Variants in OPHN1 observed in about 807,000 individuals in gnomAD.
The protein encoded by OPHN1 is oligophrenin-1.
A neutral mutation model predicts 60.7 loss-of-function variants in OPHN1; 11 were observed. The ratio of observed to expected loss-of-function variants is 0.18; its 90% CI spans 0.11 to 0.30. The LOEUF is 0.30. OPHN1 is among the 10% of genes least tolerant of loss of function. The probability of loss-of-function intolerance (pLI) is 1.00; values close to 1 mark genes in which losing one functional copy is unlikely to be tolerated. For missense variants in OPHN1, 449 were observed against 611.0 expected (o/e 0.73, Z 2.80); for synonymous variants, 226 against 222.6 (o/e 1.02, Z -0.14).
intron 2 of OPHN1, among the ~76,000 whole-genome samples, chrX:68,300,434 T>A (rs2078114536): frequency 8.9e-6 from 1 of 112,662 alleles, no homozygotes; most frequent in Non-Finnish European, 1.9e-5. Context: ...AAGTCTTAAC[T>A]CTTTGAACGA....
At position 68,125,954 on chromosome X, in the gene OPHN1, T is replaced by TATATATATATAC. The variant is rs1262640434; in HGVS notation, c.1277-6623_1277-6622insGTATATATATAT. ...CAATATATATATATATATATATATA[T>TATATATATATAC]ATACATACACACACACACACACACA... is the stretch of plus-strand genomic sequence containing the variant. On this transcript the variant is annotated intron_variant, in intron 15 of 24. Coordinates refer to ENST00000355520, the MANE Select transcript of OPHN1 (RefSeq NM_002547.3). Among the ~76,000 whole-genome samples the TATATATATATAC allele has an allele frequency of 8.8e-4, 49 of 55,767 alleles. 5 individuals are homozygous for TATATATATATAC. The highest frequency in any genetic ancestry group is 2.9e-3 in the South Asian group (2 of 679). The allele number at this position is 55,767 out of a possible 115,157, so 48.4% of individuals were successfully genotyped here.
chrX:68,072,784 CT>C (rs1307660325), intron 20 of OPHN1, among the ~76,000 whole-genome samples: 5 of 111,996 alleles, frequency 4.5e-5, no homozygotes, highest in African/African-American at 1.6e-4. Flanking sequence ...AGCACAGTAC[CT>C]GGCACATAGT....
At chrX:68,354,202 T>C (rs1460565515) in intron 2 of OPHN1, among the ~76,000 whole-genome samples, 1 of 110,217 alleles carries the variant, frequency 9.1e-6, no homozygotes, top group Non-Finnish European at 1.9e-5. Flanking sequence ...CCCTGCACTT[T>C]AGGAGGCCGA....
chrX:68,184,474 A>G (rs1270774917), intron 15 of OPHN1, among the ~76,000 whole-genome samples: 1 of 106,591 alleles, frequency 9.4e-6, no homozygotes, highest in Non-Finnish European at 1.9e-5. Context: ...GTGAGCTGAG[A>G]TCACGTCACT....
chrX:68,360,602 T>G (rs1234877118), intron 2 of OPHN1, among the ~76,000 whole-genome samples: 2 of 110,217 alleles, frequency 1.8e-5, no homozygotes, highest in African/African-American at 6.6e-5. Context: ...CCAGCATGGG[T>G]AACATAGTGA....
At chrX:68,211,319 C>T (rs1356740376) in intron 8 of OPHN1, among the ~76,000 whole-genome samples, 1 of 112,427 alleles carries the variant, frequency 8.9e-6, no homozygotes, top group Non-Finnish European at 1.9e-5. Context: ...AATGCCTTCT[C>T]TGACTCTACC....
intron 2 of OPHN1, among the ~76,000 whole-genome samples, chrX:68,407,780 GTAATA>G (rs1243681448): frequency 8.9e-6 from 1 of 111,946 alleles, no homozygotes; most frequent in Non-Finnish European, 1.9e-5. Flanking sequence ...AAATACCTTT[GTAATA>G]TAATGGTCAA....
rs1185535809 is a variant in OPHN1, at chrX:68,063,886, G to C, written c.2126C>G (p.Pro709Arg). ...TKTPSFHIKRPAPRPLAHHKE... is the reference protein window; with the variant it reads ...TKTPSFHIKRRAPRPLAHHKE... ...GTGGTGGGCCAGGGGCCGGGGAGCT[G>C]GTCTCTTTATGTGGAAAGAGGGGGT... is the stretch of plus-strand genomic sequence containing the variant. Residue 709 changes from proline (P) to arginine (R), a missense_variant, in exon 21 of 25, where the codon CCA (proline) becomes CGA (arginine). Physicochemically the swap from Pro to Arg is moderately radical, Grantham distance 103. Coordinates refer to ENST00000355520, the MANE Select transcript of OPHN1 (RefSeq NM_002547.3). 8.5e-7 allele frequency: 1 copy of C among 1,179,089 alleles called. No individual in the cohort carries two copies. The highest frequency in any genetic ancestry group is 2.4e-5 in the Admixed American group (1 of 42,357).
chrX:68,294,516 C>T (rs1458171883), intron 3 of OPHN1, among the ~76,000 whole-genome samples: 1 of 100,195 alleles, frequency 1.0e-5, no homozygotes, highest in Non-Finnish European at 2.0e-5. Context: ...AGCATATTCT[C>T]TTAAGCCTAT....
At chrX:68,118,736 G>T (rs1338960343) in intron 16 of OPHN1, among the ~76,000 whole-genome samples, 3 of 111,674 alleles carry the variant, frequency 2.7e-5, no homozygotes, top group African/African-American at 9.8e-5. Context: ...TTTCCATACT[G>T]CTGACAGTTC....
chrX:68,229,331 T>C (rs185028735), intron 6 of OPHN1, among the ~76,000 whole-genome samples: 1 of 111,898 alleles, frequency 8.9e-6, no homozygotes, highest in African/African-American at 3.2e-5. Flanking sequence ...AAAATGGCCA[T>C]ACTGCTCAAG....
chrX:68,419,732 G>T (rs1371353722), intron 2 of OPHN1, among the ~76,000 whole-genome samples: 1 of 109,796 alleles, frequency 9.1e-6, no homozygotes, highest in Non-Finnish European at 1.9e-5. Context: ...GTACAGGCAG[G>T]ATTTCACCAT....
At chrX:68,216,997 T>C (rs761616049) in intron 6 of OPHN1, among the ~76,000 whole-genome samples, 1 of 111,995 alleles carries the variant, frequency 8.9e-6, no homozygotes, top group South Asian at 3.8e-4. Context: ...GGGTGACTTC[T>C]GCATTTCCAT....
At chrX:68,052,102 C>T (rs901272107) in intron 23 of OPHN1, among the ~76,000 whole-genome samples, 3 of 111,295 alleles carry the variant, frequency 2.7e-5, no homozygotes, top group Non-Finnish European at 5.7e-5. Flanking sequence ...CCAGCCTGGC[C>T]AACATGGCAA....
chrX:68,109,985 G>A (rs1222509196), intron 18 of OPHN1, among the ~76,000 whole-genome samples: 1 of 82,871 alleles, frequency 1.2e-5, no homozygotes, highest in African/African-American at 4.4e-5. Flanking sequence ...TGGTGGAGGT[G>A]TATCTTTAGA....
At chrX:68,230,374 G>A (rs1330375073) in intron 6 of OPHN1, among the ~76,000 whole-genome samples, 1 of 111,286 alleles carries the variant, frequency 9.0e-6, no homozygotes, top group Non-Finnish European at 1.9e-5. Flanking sequence ...CAAGGATCTA[G>A]AACTAGAAAT....
intron 15 of OPHN1, among the ~76,000 whole-genome samples, chrX:68,185,168 T>C (rs1428033385): frequency 8.9e-6 from 1 of 112,482 alleles, no homozygotes; most frequent in Non-Finnish European, 1.9e-5. Flanking sequence ...TCAGTTCAGA[T>C]AACTTGGTGG....
At chrX:68,385,595 C>A (rs2078620524) in intron 2 of OPHN1, among the ~76,000 whole-genome samples, 1 of 112,071 alleles carries the variant, frequency 8.9e-6, no homozygotes, top group Admixed American at 9.5e-5. Flanking sequence ...GAAAAAATTC[C>A]TCTACATTTC....
intron 16 of OPHN1, among the ~76,000 whole-genome samples, chrX:68,114,383 T>C (rs73212844): frequency 0.21 from 22,881 of 110,047 alleles, 1,989 homozygotes; most frequent in Middle Eastern, 0.3. Context: ...AGGAAGTCTG[T>C]CTCCTGAGTC....
Sources: allele counts gnomAD v4.1 joint callset (sites outside exome capture counted in the v4.1 genomes callset), GRCh38; gene constraint gnomAD v4.1.1; transcripts MANE v1.5; gene names NCBI Gene and HGNC (gene_info 2026-07-23, HGNC 2026-07-21).